MARCHF11: variants seen among roughly 807,000 people sequenced by gnomAD.
The protein encoded by MARCHF11 is membrane associated ring-CH-type finger 11, also known as E3 ubiquitin-protein ligase MARCHF11.
Under a neutral mutation model 37.3 loss-of-function variants are expected in MARCHF11, and 29 were observed. The observed-to-expected ratio is 0.78, with a 90% CI of 0.58 to 1.06. The LOEUF (loss-of-function observed/expected upper bound fraction) is 1.06. MARCHF11 is among the 50% of genes least tolerant of loss of function. MARCHF11 has a pLI of 0.00. For missense variants in MARCHF11, 482 were observed against 533.4 expected, an observed-to-expected ratio of 0.90 and a Z score of 0.95; for synonymous variants, 233 against 228.0, an observed-to-expected ratio of 1.02 and a Z score of -0.20.
chr5:16,091,515 T>C (rs958157202), intron 2 of MARCHF11, among the ~76,000 whole-genome samples: 1 of 152,150 alleles, frequency 6.6e-6, no homozygotes, highest in African/African-American at 2.4e-5. Context: ...CTTGTTTTTG[T>C]AGAAAAAAAT....
At chr5:16,107,786 T>C (rs1169554226) in intron 2 of MARCHF11, among the ~76,000 whole-genome samples, 1 of 151,904 alleles carries the variant, frequency 6.6e-6, no homozygotes, top group Admixed American at 6.6e-5. Flanking sequence ...CAGAATGGCG[T>C]GGCAGAGAAA....
chr5:16,132,365 C>T (rs542572441), intron 2 of MARCHF11, among the ~76,000 whole-genome samples: 1 of 152,238 alleles, frequency 6.6e-6, no homozygotes, highest in African/African-American at 2.4e-5. Flanking sequence ...AGTACCTGTG[C>T]CAGGGTTCCA....
intron 2 of MARCHF11, among the ~76,000 whole-genome samples, chr5:16,177,332 T>C (rs566935425): frequency 2.2e-4 from 34 of 152,306 alleles, no homozygotes; most frequent in African/African-American, 7.7e-4. Flanking sequence ...GTATCTGTTC[T>C]CCATAAATGG....
intron 3 of MARCHF11, among the ~76,000 whole-genome samples, chr5:16,089,838 G>C (rs1429299790): frequency 6.6e-6 from 1 of 152,116 alleles, no homozygotes; most frequent in East Asian, 1.9e-4. Flanking sequence ...ATTTAGACTT[G>C]CATGGTTGGA....
At chr5:16,151,061 TTCACAGAA>T (rs1737880066) in intron 2 of MARCHF11, among the ~76,000 whole-genome samples, 2 of 152,082 alleles carry the variant, frequency 1.3e-5, no homozygotes, top group Admixed American at 1.3e-4. Flanking sequence ...TTGCTCTATA[TTCACAGAA>T]ATGCTTAGAT....
chr5:16,090,868 C>T (rs2126556790), intron 3 of MARCHF11, 21 bp downstream of exon 3: 3 of 1,475,478 alleles, frequency 2.0e-6, no homozygotes, highest in African/African-American at 1.4e-5. Flanking sequence ...AGTGTGTTAA[C>T]GTTGAAGGTC....
At chr5:16,160,409 T>C (rs1486379781) in intron 2 of MARCHF11, among the ~76,000 whole-genome samples, 2 of 146,276 alleles carry the variant, frequency 1.4e-5, no homozygotes, top group East Asian at 3.9e-4. Context: ...TATATAATTT[T>C]ATAATTTTAT....
chr5:16,109,461 C>T (rs557251166), intron 2 of MARCHF11, among the ~76,000 whole-genome samples: 15 of 152,338 alleles, frequency 9.8e-5, no homozygotes, highest in East Asian at 3.9e-4. Context: ...GGTGGGTGAA[C>T]GCATGGAGCT....
chr5:16,113,403 G>A (rs539507573), intron 2 of MARCHF11, among the ~76,000 whole-genome samples: 31 of 152,104 alleles, frequency 2.0e-4, no homozygotes, highest in African/African-American at 6.3e-4. Context: ...ACCAAAGTTC[G>A]GCAGAATACT....
intron 3 of MARCHF11, among the ~76,000 whole-genome samples, chr5:16,090,497 A>G (rs1192693898): frequency 6.6e-6 from 1 of 151,946 alleles, no homozygotes; most frequent in Non-Finnish European, 1.5e-5. Flanking sequence ...CTCTCCCCAA[A>G]CGCACAATAC....
At chr5:16,166,901 G>A (rs1360714326) in intron 2 of MARCHF11, among the ~76,000 whole-genome samples, 1 of 150,190 alleles carries the variant, frequency 6.7e-6, no homozygotes. Context: ...ATGTGTGTGT[G>A]TGTGTGTGTG....
intron 2 of MARCHF11, among the ~76,000 whole-genome samples, chr5:16,169,488 A>C (rs1738223176): frequency 6.6e-6 from 1 of 152,134 alleles, no homozygotes; most frequent in Non-Finnish European, 1.5e-5. Context: ...GTAGTTTTCA[A>C]AGCATTCCAC....
chr5:16,178,124 A>G (rs931866432), intron 1 of MARCHF11, among the ~76,000 whole-genome samples: 1 of 152,246 alleles, frequency 6.6e-6, no homozygotes, highest in African/African-American at 2.4e-5. Context: ...TCTGCAAGAT[A>G]TAGCTCCCAA....
intron 2 of MARCHF11, among the ~76,000 whole-genome samples, chr5:16,175,833 A>G (rs1209459049): frequency 1.2e-4 from 19 of 152,196 alleles, no homozygotes; most frequent in Non-Finnish European, 1.5e-5. Context: ...CTTTGTTTCT[A>G]CGTATGATTT....
At chr5:16,108,709 C>T (rs1737087391) in intron 2 of MARCHF11, among the ~76,000 whole-genome samples, 1 of 152,142 alleles carries the variant, frequency 6.6e-6, no homozygotes, top group Non-Finnish European at 1.5e-5. Context: ...GCTGCTCTGG[C>T]CTTAGATTAC....
At chr5:16,071,142 A>T (rs1233141957) in intron 3 of MARCHF11, among the ~76,000 whole-genome samples, 2 of 152,212 alleles carry the variant, frequency 1.3e-5, no homozygotes, top group African/African-American at 4.8e-5. Context: ...TGTCGCCTTG[A>T]CATTTCAGTT....
chr5:16,121,412 G>C (rs1403081907), intron 2 of MARCHF11, among the ~76,000 whole-genome samples: 1 of 152,104 alleles, frequency 6.6e-6, no homozygotes, highest in Non-Finnish European at 1.5e-5. Context: ...CTAACACAGT[G>C]GTTGGCATAT....
intron 2 of MARCHF11, among the ~76,000 whole-genome samples, chr5:16,140,693 A>C (rs1737688321): frequency 6.6e-6 from 1 of 152,198 alleles, no homozygotes; most frequent in African/African-American, 2.4e-5. Context: ...TTCTCAACAT[A>C]AAAAATCTTA....
intron 2 of MARCHF11, among the ~76,000 whole-genome samples, chr5:16,147,403 G>C (rs542990291): frequency 6.6e-6 from 1 of 152,094 alleles, no homozygotes; most frequent in Non-Finnish European, 1.5e-5. Flanking sequence ...AAAAAACTGG[G>C]ACACTGAGAG....
Sources: gnomAD v4.1 joint callset for allele counts (sites outside exome capture counted in the v4.1 genomes callset) on GRCh38, gnomAD v4.1.1 for gene constraint, MANE v1.5 for transcripts, NCBI Gene and HGNC (gene_info 2026-07-23, HGNC 2026-07-21) for gene names.